PXN: variants seen among roughly 807,000 people sequenced by gnomAD.
PXN encodes the protein paxillin, also known as testicular tissue protein Li 134.
Under a neutral mutation model 103.6 loss-of-function variants are expected in PXN, and 61 were observed. The observed-to-expected ratio is 0.59, with a 90% confidence interval of 0.48 to 0.73. The LOEUF (loss-of-function observed/expected upper bound fraction) is 0.73. Among genes scored for constraint, PXN ranks in the 30% least tolerant of loss-of-function variants. The pLI is 0.00. For synonymous variants in PXN, 562 were observed against 607.8 expected, an observed-to-expected ratio of 0.92 and a Z score of 1.11; for missense variants, 1,274 against 1,460.3, an observed-to-expected ratio of 0.87 and a Z score of 2.08.
At position 120,220,925 on chromosome 12, in the gene PXN, G is replaced by A. The variant is rs150955996; in HGVS notation, c.831+698C>T. On this transcript the variant is annotated intron_variant, in intron 6 of 14. Transcript: ENST00000637617. The surrounding 1 kb of genome is among the most constrained non-coding windows in gnomAD (Gnocchi z 6.1). ...TGGAAGTATGAAGTCAGCAGCTGCTGGTGAGTTCTGTCAATATCAATCCCC... is the reference window on the plus strand; with the variant it reads ...TGGAAGTATGAAGTCAGCAGCTGCTAGTGAGTTCTGTCAATATCAATCCCC... Among the ~76,000 whole-genome samples, 708 of 152,280 alleles carry A rather than the reference G, an allele frequency of 4.6e-3. 6 individuals are homozygous for A. The highest frequency in any genetic ancestry group is 0.016 in the African/African-American group (662 of 41,546).
chr12:120,231,877 C>T (rs553354931), intron 1 of PXN, among the ~76,000 whole-genome samples: 2 of 152,348 alleles, frequency 1.3e-5, no homozygotes, highest in South Asian at 2.1e-4. Flanking sequence ...CTCCTGGCTG[C>T]AGCCACTTCC....
rs757340049 is a variant in PXN, at chr12:120,217,043, C to A, written c.1790G>T (p.Arg597Leu). ...HPMSREPSPR[R>L]RLDPATLSRT... Reference sequence around the variant, plus strand: ...GCTCAAGGTGGCAGGGTCCAGCCGGCGGCGAGGGGAGGGCTCCCGGGACAT... The same window carrying A: ...GCTCAAGGTGGCAGGGTCCAGCCGGAGGCGAGGGGAGGGCTCCCGGGACAT... Residue 597 changes from arginine to leucine, a missense_variant, in exon 8 of 15, where the codon CGC becomes CTC. Transcript: ENST00000637617. This position sits in a 1 kb window ranked among gnomAD's most constrained non-coding sequence, Gnocchi z 4.1. 5 of 1,588,996 alleles carry A rather than the reference C, an allele frequency of 3.1e-6. No individual in the cohort carries two copies. Among genetic ancestry groups the A allele is most frequent in the African/African-American group, 1.3e-5 (1 of 74,786 alleles).
chr12:120,223,037 T>C (rs776731309), intron 3 of PXN, 38 bp from the exon 4 acceptor site: 3 of 1,613,696 alleles, frequency 1.9e-6, no homozygotes, highest in Non-Finnish European at 2.5e-6. Flanking sequence ...TGAGAGATGC[T>C]TTCTGGCCTT....
In PXN at chr12:120,224,537, G is replaced by T. The variant is rs573240975; in HGVS notation, c.14-160C>A. On this transcript the variant is annotated intron_variant, in intron 1 of 14. Coordinates refer to ENST00000637617, the MANE Select transcript of PXN (RefSeq NM_001385981.1). This position sits in a 1 kb window ranked among gnomAD's most constrained non-coding sequence, Gnocchi z 5.0. ...CTTGGGACAGGAAGCCACCAGCCCCGACCAGCCTAACCAAGAGCCGGCTCC... is the reference window on the plus strand; with the variant it reads ...CTTGGGACAGGAAGCCACCAGCCCCTACCAGCCTAACCAAGAGCCGGCTCC... 6 of 733,328 alleles carry T rather than the reference G, an allele frequency of 8.2e-6. No individual in the cohort carries two copies. In the Admixed American group the frequency reaches 1.1e-4, roughly 14 times the overall value. 45.4% of individuals were successfully genotyped at this position (733,328 alleles called of 1,614,324 possible). A position where few individuals can be genotyped will look rare whatever the true frequency, so the allele number is the denominator to read the frequency against.
chr12:120,214,315 T>C lies in PXN; in HGVS notation c.2749-98A>G, dbSNP rs1881715050. 2 of 1,060,334 alleles carry C rather than the reference T, an allele frequency of 1.9e-6. No individual in the cohort carries two copies. The highest frequency in any genetic ancestry group is 2.0e-4 in the Middle Eastern group (1 of 4,908). The allele number at this position is 1,060,334 out of a possible 1,614,324, so 65.7% of individuals were successfully genotyped here. ...TCCTTCCACCCGCAGCTCATAGCCA[T>C]AGACAGAGCAAAACACTCCCAAGAT... On this transcript the variant is annotated intron_variant, in intron 12 of 14. Coordinates refer to ENST00000637617, the MANE Select transcript of PXN (RefSeq NM_001385981.1). The surrounding 1 kb of genome is among the most constrained non-coding windows in gnomAD (Gnocchi z 5.0).
chr12:120,236,138 T>C (rs1487313977), intron 1 of PXN, among the ~76,000 whole-genome samples: 1 of 152,220 alleles, frequency 6.6e-6, no homozygotes, highest in Non-Finnish European at 1.5e-5. Flanking sequence ...CTGCTGTTTT[T>C]AACTACTCTG....
chr12:120,255,424 G>A (rs747793703), intron 1 of PXN, among the ~76,000 whole-genome samples: 31 of 152,152 alleles, frequency 2.0e-4, no homozygotes, highest in East Asian at 5.8e-4. Flanking sequence ...CAGGCCGGGC[G>A]CGGTGGCTCA....
chr12:120,258,708 C>T (rs1442770626), intron 1 of PXN, among the ~76,000 whole-genome samples: 1 of 152,212 alleles, frequency 6.6e-6, no homozygotes, highest in Non-Finnish European at 1.5e-5. Flanking sequence ...TGTGTAAACG[C>T]ATGGCCCTTG....
At position 120,221,751 on chromosome 12, in the gene PXN, T is replaced by C. The variant is rs1226194091; in HGVS notation, c.703A>G (p.Ile235Val). Reference protein sequence around the residue: ...ESSVPSPVPAITVNQGEMSSP... With the variant: ...ESSVPSPVPAVTVNQGEMSSP... ...CTCATCTCGCCCTGGTTCACAGTGA[T>C]GGCAGGGCTGCAGGGTGGGCACAGC... Residue 235 changes from isoleucine to valine, a missense_variant, in exon 6 of 15, where the codon ATC becomes GTC. Physicochemically the swap from Ile to Val is conservative, Grantham distance 29. Around this residue, in one of 2 missense-constraint regions of PXN, gnomAD observed 1,178 missense variants for 1,309.0 expected, o/e 0.90. Coordinates refer to ENST00000637617, the MANE Select transcript of PXN (RefSeq NM_001385981.1). The surrounding 1 kb of genome is among the most constrained non-coding windows in gnomAD (Gnocchi z 6.6). 2 of 1,569,632 alleles carry C rather than the reference T, an allele frequency of 1.3e-6. No homozygotes were observed. The highest frequency in any genetic ancestry group is 8.6e-7 in the Non-Finnish European group (1 of 1,158,632).
At chr12:120,227,992 G>C (rs908697787) in intron 1 of PXN, among the ~76,000 whole-genome samples, 1 of 152,158 alleles carries the variant, frequency 6.6e-6, no homozygotes, top group Non-Finnish European at 1.5e-5. Flanking sequence ...CCCAGTGTCC[G>C]GCTCCAGCCT....
At chr12:120,231,204 C>G (rs919711332) in intron 1 of PXN, among the ~76,000 whole-genome samples, 5 of 152,186 alleles carry the variant, frequency 3.3e-5, no homozygotes, top group African/African-American at 1.2e-4. Context: ...CGATTTGTCC[C>G]CATTCCTAGT....
chr12:120,214,773 CG>C lies in PXN; in HGVS notation c.2748+51del. 6.2e-7 allele frequency: 1 copy of C among 1,601,418 alleles called. No individual in the cohort carries two copies. Among genetic ancestry groups the C allele is most frequent in the Non-Finnish European group, 8.5e-7 (1 of 1,171,598 alleles). On this transcript the variant is annotated intron_variant, in intron 12 of 14. Transcript: ENST00000637617. The surrounding 1 kb of genome is among the most constrained non-coding windows in gnomAD (Gnocchi z 5.0). ...CACCCCCTGCATCCTCAGAGGGCTG[CG>C]GTGAAGCTGGAATGAGCGGAAGCGG...
chr12:120,264,852 T>C (rs554611622), intron 1 of PXN, among the ~76,000 whole-genome samples: 4 of 151,926 alleles, frequency 2.6e-5, no homozygotes, highest in South Asian at 4.2e-4. Context: ...TTAGATACCA[T>C]GGTAGACGGA....
chr12:120,265,724 C>A lies in PXN; in HGVS notation c.-95G>T. 8.9e-7 allele frequency: 1 copy of A among 1,124,286 alleles called. No homozygotes were observed. 69.6% of individuals were successfully genotyped at this position (1,124,286 alleles called of 1,614,324 possible). A position where few individuals can be genotyped will look rare whatever the true frequency, so the allele number is the denominator to read the frequency against. On this transcript the variant is annotated 5_prime_UTR_variant, in exon 1 of 15. Coordinates refer to ENST00000637617, the MANE Select transcript of PXN (RefSeq NM_001385981.1). This position sits in a 1 kb window ranked among gnomAD's most constrained non-coding sequence, Gnocchi z 5.7. ...CAACTTTTCCGCCGCGAGCCTCGGC[C>A]CGGAACGGAACGCGCCGCCGCCGCG...
chr12:120,238,370 G>A (rs1041653645), intron 1 of PXN, among the ~76,000 whole-genome samples: 2 of 152,170 alleles, frequency 1.3e-5, no homozygotes, highest in Non-Finnish European at 2.9e-5. Flanking sequence ...TAAACTGAAC[G>A]GAGGTGCCTG....
chr12:120,226,530 A>T lies in PXN; in HGVS notation c.14-2153T>A, dbSNP rs1886918633. 10 of 1,233,700 alleles carry T rather than the reference A, an allele frequency of 8.1e-6. No individual in the cohort carries two copies. The South Asian group carries it at 1.2e-4, about 15-fold the overall frequency. 76.4% of individuals were successfully genotyped at this position (1,233,700 alleles called of 1,614,324 possible). ...ACAAATGGTCAGGCTTCCTTGTCAA[A>T]CATTTTGAATCAGGGACTCCACCAA... On this transcript the variant is annotated intron_variant, in intron 1 of 14. Transcript: ENST00000637617.
intron 1 of PXN, among the ~76,000 whole-genome samples, chr12:120,239,707 C>T (rs914896375): frequency 6.6e-6 from 1 of 152,118 alleles, no homozygotes; most frequent in Non-Finnish European, 1.5e-5. Context: ...CCTGAGATCA[C>T]ACCACTGCAC....
intron 1 of PXN, chr12:120,226,372 C>T (rs749465259): frequency 1.6e-6 from 2 of 1,289,232 alleles, no homozygotes; most frequent in African/African-American, 1.5e-5. Context: ...CTGCCATCCT[C>T]ACAACGCCAC....
rs201065716 is a variant in PXN at position 120,244,642 on chromosome 12, C to T, written c.14-20265G>A. ...CAGCCTGGATGACAGAGTGAGACTCCGTCTCGGAAAAAAAAAAAAAAAATA... is the reference window on the plus strand; with the variant it reads ...CAGCCTGGATGACAGAGTGAGACTCTGTCTCGGAAAAAAAAAAAAAAAATA... On this transcript the variant is annotated intron_variant, in intron 1 of 14. Coordinates refer to ENST00000637617, the MANE Select transcript of PXN (RefSeq NM_001385981.1). Among the ~76,000 whole-genome samples, 185 of 142,484 alleles carry T rather than the reference C, an allele frequency of 1.3e-3. 2 individuals are homozygous for T. The highest frequency in any genetic ancestry group is 4.4e-3 in the African/African-American group (168 of 38,212). The allele number at this position is 142,484 out of a possible 152,430, so 93.5% of individuals were successfully genotyped here.
Sources: allele counts gnomAD v4.1 joint callset (sites outside exome capture counted in the v4.1 genomes callset), GRCh38; gene constraint gnomAD v4.1.1; regional missense constraint gnomAD v4.1.1; non-coding constraint Gnocchi (gnomAD v3.1); transcripts MANE v1.5; gene names NCBI Gene and HGNC (gene_info 2026-07-23, HGNC 2026-07-21).